The following AKAP8L variants were observed in gnomAD, a reference collection of about 807,000 sequenced individuals.
The protein encoded by AKAP8L is A-kinase anchor protein 8-like.
AKAP8L carries 34 observed loss-of-function variants against 77.5 expected under a neutral mutation model. The observed-to-expected ratio is 0.44, with a 90% CI of 0.33 to 0.58. The LOEUF (loss-of-function observed/expected upper bound fraction) is 0.58, where lower values mean the gene tolerates loss of function less well. Ranked by LOEUF, AKAP8L falls within the 20% of genes least tolerant of loss-of-function variation. The pLI, the probability that AKAP8L is intolerant of heterozygous loss-of-function variation, is 0.02. For missense variants in AKAP8L, 806 were observed against 887.6 expected, an observed-to-expected ratio of 0.91 and a Z score of 1.17; for synonymous variants, 342 against 340.7, an observed-to-expected ratio of 1.00 and a Z score of -0.04.
intron 1 of AKAP8L, among the ~76,000 whole-genome samples, chr19:15,411,212 G>A (rs552999387): frequency 1.3e-5 from 2 of 152,260 alleles, no homozygotes; most frequent in Admixed American, 6.5e-5. Context: ...TCAAATCCCT[G>A]AAGGGTGAGC....
Position 15,380,149 on chromosome 19 carries a change from G to C in AKAP8L, c.1914C>G (p.Asp638Glu), listed in dbSNP as rs765223433. 24 of 1,501,490 alleles carry C rather than the reference G, an allele frequency of 1.6e-5. No homozygotes were observed. In the Admixed American group the frequency reaches 2.8e-4, roughly 17 times the overall value. 93.0% of individuals were successfully genotyped at this position (1,501,490 alleles called of 1,614,324 possible). A position where few individuals can be genotyped will look rare whatever the true frequency, so the allele number is the denominator to read the frequency against. Residue 638 changes from aspartate (D) to glutamate (E), a missense_variant, in exon 14 of 14, where the codon GAC becomes GAG. By Grantham distance (45) the Asp-to-Glu change is conservative. This residue lies in a region of AKAP8L where 226 missense variants were observed against 193.5 expected (regional missense o/e 1.17). Transcript: ENST00000397410. Reference protein sequence around the residue: ...RGIPGLDVEDDEEGGGGAP With the variant: ...RGIPGLDVEDEEEGGGGAP ...ACGGGGCGCCCCCGCCGCCCTCCTC[G>C]TCGTCCTCCACGTCGAGGCCCGGGA...
chr19:15,381,490 T>G (rs1359830972), intron 12 of AKAP8L, among the ~76,000 whole-genome samples: 1 of 152,186 alleles, frequency 6.6e-6, no homozygotes, highest in African/African-American at 2.4e-5. Flanking sequence ...CTCACTTTGA[T>G]CATTATAAAA....
chr19:15,410,983 T>G (rs1968096743), intron 1 of AKAP8L, among the ~76,000 whole-genome samples: 2 of 152,136 alleles, frequency 1.3e-5, no homozygotes, highest in South Asian at 4.2e-4. Context: ...CAGCTAATTT[T>G]TATACTTTTT....
At chr19:15,417,475 T>A (rs566918485) in intron 1 of AKAP8L, among the ~76,000 whole-genome samples, 4 of 152,014 alleles carry the variant, frequency 2.6e-5, no homozygotes, top group African/African-American at 9.7e-5. Context: ...CAAACCTCCA[T>A]CCACTAGATA....
chr19:15,401,139 C>A lies in AKAP8L; in HGVS notation c.816+11G>T. 1 of 1,604,970 alleles carries A rather than the reference C, an allele frequency of 6.2e-7. No individual in the cohort carries two copies. The highest frequency in any genetic ancestry group is 8.5e-7 in the Non-Finnish European group (1 of 1,177,428). On this transcript the variant is annotated intron_variant, in intron 5 of 13. Transcript: ENST00000397410. This position sits in a 1 kb window ranked among gnomAD's most constrained non-coding sequence, Gnocchi z 6.2. ...CTAAGCTTCCCAGAGGGGAAGGCTG[C>A]CTCCACTCACTCGGAAGTCGGCTGT... is the stretch of plus-strand genomic sequence containing the variant.
rs1298350542 is a variant in AKAP8L, at chr19:15,380,146, C to G, written c.1917G>C (p.Glu639Asp). ...GIPGLDVEDD[E>D]EGGGGAP ...GTCACGGGGCGCCCCCGCCGCCCTC[C>G]TCGTCGTCCTCCACGTCGAGGCCCG... Residue 639 changes from glutamate to aspartate, a missense_variant, in exon 14 of 14, where the codon GAG becomes GAC. Coordinates refer to ENST00000397410, the MANE Select transcript of AKAP8L (RefSeq NM_014371.4). 4.0e-6 allele frequency: 6 copies of G among 1,501,224 alleles called. No homozygotes were observed. The highest frequency in any genetic ancestry group is 4.3e-5 in the Admixed American group (2 of 46,586). 93.0% of individuals were successfully genotyped at this position (1,501,224 alleles called of 1,614,324 possible). A position where few individuals can be genotyped will look rare whatever the true frequency, so the allele number is the denominator to read the frequency against.
intron 2 of AKAP8L, among the ~76,000 whole-genome samples, chr19:15,405,242 A>T (rs559910907): frequency 6.6e-6 from 1 of 152,336 alleles, no homozygotes; most frequent in Non-Finnish European, 1.5e-5. Flanking sequence ...ACATAAAGAA[A>T]AACACACAAG....
Position 15,398,934 on chromosome 19 carries a change from C to T in AKAP8L, c.1157+368G>A, listed in dbSNP as rs913548905. On this transcript the variant is annotated intron_variant, in intron 9 of 13. Coordinates refer to ENST00000397410, the MANE Select transcript of AKAP8L (RefSeq NM_014371.4). This position sits in a 1 kb window ranked among gnomAD's most constrained non-coding sequence, Gnocchi z 9.2. Reference sequence around the variant, plus strand: ...GTGGCCTCTTGGCAGCTAGCTGGGGCGGCACAGGCGCCTTGGACCTTGAGT... The same window carrying T: ...GTGGCCTCTTGGCAGCTAGCTGGGGTGGCACAGGCGCCTTGGACCTTGAGT... 9 of 462,726 alleles carry T rather than the reference C, an allele frequency of 1.9e-5. No homozygotes were observed. Among genetic ancestry groups the T allele is most frequent in the South Asian group, 3.2e-5 (1 of 31,028 alleles). 28.7% of individuals were successfully genotyped at this position (462,726 alleles called of 1,614,324 possible).
chr19:15,405,718 T>TC (rs2145139272), intron 2 of AKAP8L, among the ~76,000 whole-genome samples: 1 of 151,740 alleles, frequency 6.6e-6, no homozygotes, highest in South Asian at 2.1e-4. Context: ...GGTCAGGAGT[T>TC]CGAGACCAGC....
intron 4 of AKAP8L, among the ~76,000 whole-genome samples, chr19:15,402,395 C>A (rs544874546): frequency 6.6e-6 from 1 of 152,348 alleles, no homozygotes; most frequent in East Asian, 1.9e-4. Context: ...CTTGCACACT[C>A]TTCCCTAAAC....
chr19:15,402,387 T>G (rs917184788), intron 4 of AKAP8L, among the ~76,000 whole-genome samples: 7 of 152,022 alleles, frequency 4.6e-5, no homozygotes, highest in Admixed American at 2.6e-4. Context: ...GGGCTCCCCT[T>G]GCACACTCTT....
In AKAP8L at chr19:15,380,213, G is replaced by C; in HGVS notation, c.1850C>G (p.Pro617Arg). The change falls in exon 14 of 14, where the codon CCC (proline) becomes CGC (arginine). Residue 617 changes from proline (P) to arginine (R), a missense_variant. Physicochemically the swap from Pro to Arg is moderately radical, Grantham distance 103 (BLOSUM62 -2). Around this residue, in one of 2 missense-constraint regions of AKAP8L, gnomAD observed 226 missense variants for 193.5 expected, o/e 1.17. Transcript: ENST00000397410. ...GCGTTGCAGCGCCCCTCCCAGCAAG[G>C]GCACGGCGCCCTCCTCCTCCTCCTC... The part of the protein sequence containing the change: ...PPEEEEEGAV[P>R]LLGGALQRQI... The C allele has an allele frequency of 6.6e-7, 1 of 1,508,890 alleles. No homozygotes were observed. Among genetic ancestry groups the C allele is most frequent in the East Asian group, 2.7e-5 (1 of 36,958 alleles). The allele number at this position is 1,508,890 out of a possible 1,614,324, so 93.5% of individuals were successfully genotyped here. A position where few individuals can be genotyped will look rare whatever the true frequency, so the allele number is the denominator to read the frequency against.
chr19:15,396,433 T>C (rs544297319), intron 12 of AKAP8L, among the ~76,000 whole-genome samples: 1 of 152,318 alleles, frequency 6.6e-6, no homozygotes, highest in East Asian at 1.9e-4. Flanking sequence ...GGAGCAACAC[T>C]GGAAAATGAG....
intron 12 of AKAP8L, among the ~76,000 whole-genome samples, chr19:15,384,221 G>A (rs1018792728): frequency 4.0e-5 from 6 of 149,146 alleles, no homozygotes; most frequent in African/African-American, 5.0e-5. Flanking sequence ...GTGAGCCACC[G>A]TGCCCGGCTA....
chr19:15,402,279 A>G (rs972408856), intron 4 of AKAP8L, among the ~76,000 whole-genome samples: 3 of 152,182 alleles, frequency 2.0e-5, no homozygotes, highest in Non-Finnish European at 4.4e-5. Context: ...ACCTCCTCCC[A>G]GGACACAGAG....
intron 1 of AKAP8L, among the ~76,000 whole-genome samples, chr19:15,415,568 A>C (rs1437709137): frequency 6.6e-6 from 1 of 151,602 alleles, no homozygotes; most frequent in Non-Finnish European, 1.5e-5. Context: ...ATAGCTCAGC[A>C]ATGTTGAACT....
intron 8 of AKAP8L, 166 bp downstream of exon 8, chr19:15,400,129 G>A: frequency 1.5e-6 from 1 of 659,872 alleles, no homozygotes; most frequent in Non-Finnish European, 2.7e-6. Flanking sequence ...AGTGGGAAGG[G>A]GGTGGAGGCG....
rs1967852055 is a variant in AKAP8L at position 15,399,740 on chromosome 19, T to C, written c.1049-330A>G. ...GCACATGTTCAGAGGGGCCAGGTGG[T>C]GGGATGCAGGGAGGCTGCTCACATG... On this transcript the variant is annotated intron_variant, in intron 8 of 13. Transcript: ENST00000397410. The surrounding 1 kb of genome is among the most constrained non-coding windows in gnomAD (Gnocchi z 6.1). 2 of 369,800 alleles carry C rather than the reference T, an allele frequency of 5.4e-6. No individual in the cohort carries two copies. The highest frequency in any genetic ancestry group is 6.1e-5 in the East Asian group (1 of 16,520). 22.9% of individuals were successfully genotyped at this position (369,800 alleles called of 1,614,324 possible). A position where few individuals can be genotyped will look rare whatever the true frequency, so the allele number is the denominator to read the frequency against.
At position 15,397,859 on chromosome 19, in the gene AKAP8L, C is replaced by T; in HGVS notation, c.1158-4G>A. 1 of 1,613,544 alleles carries T rather than the reference C, an allele frequency of 6.2e-7. No individual in the cohort carries two copies. Among genetic ancestry groups the T allele is most frequent in the Non-Finnish European group, 8.5e-7 (1 of 1,179,694 alleles). Reference sequence around the variant, plus strand: ...CAGAGAACACACAAACTGGATCCTGCCACAGGAAGGAAACGAGGGGCTGAG... The same window carrying T: ...CAGAGAACACACAAACTGGATCCTGTCACAGGAAGGAAACGAGGGGCTGAG... On this transcript the variant is annotated splice_region_variant and splice_polypyrimidine_tract_variant and intron_variant, in intron 9 of 13. Coordinates refer to ENST00000397410, the MANE Select transcript of AKAP8L (RefSeq NM_014371.4). This position sits in a 1 kb window ranked among gnomAD's most constrained non-coding sequence, Gnocchi z 4.7.
Sources: allele counts gnomAD v4.1 joint callset (sites outside exome capture counted in the v4.1 genomes callset), GRCh38; gene constraint gnomAD v4.1.1; regional missense constraint gnomAD v4.1.1; non-coding constraint Gnocchi (gnomAD v3.1); transcripts MANE v1.5; gene names NCBI Gene and HGNC (gene_info 2026-07-23, HGNC 2026-07-21).